The following EPC2 variants were observed in gnomAD, a reference collection of about 807,000 sequenced individuals.
EPC2 encodes the protein enhancer of polycomb 2.
Under a neutral mutation model 92.1 loss-of-function variants are expected in EPC2, and 14 were observed. The observed-to-expected ratio is 0.15, with a 90% CI of 0.10 to 0.24. The LOEUF (loss-of-function observed/expected upper bound fraction) is 0.24. EPC2 is among the 10% of genes least tolerant of loss of function. The pLI is 1.00. For missense variants in EPC2, 755 were observed against 971.5 expected, an observed-to-expected ratio of 0.78 and a Z score of 2.96; for synonymous variants, 340 against 334.7, an observed-to-expected ratio of 1.02 and a Z score of -0.17.
At chr2:148,669,148 G>A (rs1308929086) in intron 1 of EPC2, among the ~76,000 whole-genome samples, 1 of 152,094 alleles carries the variant, frequency 6.6e-6, no homozygotes, top group African/African-American at 2.4e-5. Flanking sequence ...TTCATCTCTT[G>A]TGGTGTTTCA....
intron 3 of EPC2, among the ~76,000 whole-genome samples, chr2:148,744,992 C>CCA (rs1277368913): frequency 1.9e-5 from 2 of 103,430 alleles, no homozygotes; most frequent in African/African-American, 6.1e-5. Context: ...TCAGTTTGCC[C>CCA]CCCCCCCCCG....
chr2:148,736,777 A>G (rs767839648), intron 2 of EPC2, among the ~76,000 whole-genome samples: 2 of 151,710 alleles, frequency 1.3e-5, no homozygotes, highest in Non-Finnish European at 2.9e-5. Context: ...AATAATACCA[A>G]CTCTTTCACC....
chr2:148,755,838 C>T (rs142763956), intron 4 of EPC2, among the ~76,000 whole-genome samples: 138 of 152,290 alleles, frequency 9.1e-4, no homozygotes, highest in African/African-American at 3.2e-3. Context: ...GCTGTCCTCC[C>T]GCCTTGGCCT....
chr2:148,742,912 C>A (rs553544428), intron 2 of EPC2, among the ~76,000 whole-genome samples: 1 of 152,018 alleles, frequency 6.6e-6, no homozygotes, highest in South Asian at 2.1e-4. Flanking sequence ...AGAAAATCAG[C>A]CTTTTATTTA....
At chr2:148,649,789 G>A (rs1055219582) in intron 1 of EPC2, among the ~76,000 whole-genome samples, 2 of 152,144 alleles carry the variant, frequency 1.3e-5, no homozygotes, top group African/African-American at 4.8e-5. Context: ...GTTATCTTCT[G>A]AACTGTGATT....
rs528250728 is a variant in EPC2, at chr2:148,648,619, A to G, written c.153+3449A>G. Among the ~76,000 whole-genome samples the G allele has an allele frequency of 3.3e-5, 5 of 152,300 alleles. No individual in the cohort carries two copies. The South Asian group carries it at 8.3e-4, about 25-fold the overall frequency. ...GTTGGCAAAATCTTTTGAAGCCTTC[A>G]TGGATGGCTTTTTCCCATTCCCCCT... On this transcript the variant is annotated intron_variant, in intron 1 of 13. Transcript: ENST00000258484.
intron 1 of EPC2, among the ~76,000 whole-genome samples, chr2:148,686,974 G>A (rs748161083): frequency 3.9e-5 from 6 of 152,144 alleles, no homozygotes; most frequent in Non-Finnish European, 7.3e-5. Flanking sequence ...GAAACCAGGC[G>A]TTGACGTTTC....
chr2:148,705,293 AT>A (rs1392791185), intron 2 of EPC2, among the ~76,000 whole-genome samples: 11 of 144,514 alleles, frequency 7.6e-5, no homozygotes, highest in East Asian at 2.6e-4. Flanking sequence ...CACAGTTATC[AT>A]TTTAAAAAAA....
At chr2:148,679,230 G>A (rs1398631260) in intron 1 of EPC2, among the ~76,000 whole-genome samples, 1 of 152,072 alleles carries the variant, frequency 6.6e-6, no homozygotes, top group African/African-American at 2.4e-5. Flanking sequence ...AGCATTACTA[G>A]GACAGGTTTT....
At chr2:148,669,368 C>T (rs754913562) in intron 1 of EPC2, among the ~76,000 whole-genome samples, 1 of 152,014 alleles carries the variant, frequency 6.6e-6, no homozygotes, top group Non-Finnish European at 1.5e-5. Context: ...GAGCTTTGTT[C>T]TGGGATGCGG....
intron 1 of EPC2, among the ~76,000 whole-genome samples, chr2:148,653,205 G>T (rs1427661139): frequency 1.3e-5 from 2 of 152,212 alleles, no homozygotes; most frequent in African/African-American, 4.8e-5. Flanking sequence ...TTGTAATACA[G>T]GCACTTAGCA....
At chr2:148,771,821 T>C (rs955977047) in intron 10 of EPC2, among the ~76,000 whole-genome samples, 4 of 151,430 alleles carry the variant, frequency 2.6e-5, no homozygotes, top group African/African-American at 9.7e-5. Context: ...TTTTTTTAGA[T>C]GGAGTCTCGC....
Position 148,644,984 on chromosome 2 carries a change from G to GCCGCCC in EPC2, c.-33_-28dup, listed in dbSNP as rs1683763552. The GCCGCCC allele has an allele frequency of 7.4e-7, 1 of 1,350,228 alleles. No individual in the cohort carries two copies. Among genetic ancestry groups the GCCGCCC allele is most frequent in the Non-Finnish European group, 9.8e-7 (1 of 1,019,360 alleles). 83.6% of individuals were successfully genotyped at this position (1,350,228 alleles called of 1,614,324 possible). A position where few individuals can be genotyped will look rare whatever the true frequency, so the allele number is the denominator to read the frequency against. The stretch of plus-strand genomic sequence containing the variant: ...CCCCCTCCCCGCCCGCCCCGCCGCC[G>GCCGCCC]CCGCCCGGGCTGTTCCTGTAAGGCG... On this transcript the variant is annotated 5_prime_UTR_variant, in exon 1 of 14. Transcript: ENST00000258484.
At chr2:148,647,961 G>T (rs905616259) in intron 1 of EPC2, among the ~76,000 whole-genome samples, 4 of 152,152 alleles carry the variant, frequency 2.6e-5, no homozygotes, top group Non-Finnish European at 5.9e-5. Flanking sequence ...AGCTCTTTTA[G>T]AAAGAATTAT....
chr2:148,731,278 T>C (rs771192211), intron 2 of EPC2, among the ~76,000 whole-genome samples: 1 of 152,230 alleles, frequency 6.6e-6, no homozygotes, highest in East Asian at 1.9e-4. Flanking sequence ...ATGACACTTT[T>C]GCAGAGTGCT....
In EPC2 at chr2:148,786,433, C is replaced by G. The variant is rs1683868302; in HGVS notation, c.*56C>G. The G allele has an allele frequency of 1.4e-6, 2 of 1,413,896 alleles. No homozygotes were observed. Among genetic ancestry groups the G allele is most frequent in the African/African-American group, 2.8e-5 (2 of 70,838 alleles). The allele number at this position is 1,413,896 out of a possible 1,614,324, so 87.6% of individuals were successfully genotyped here. On this transcript the variant is annotated 3_prime_UTR_variant, in exon 14 of 14. Transcript: ENST00000258484. ...TGGTGTGCAGTCATTCATATTCCAG[C>G]TGAATGCAAAAGGCAACACTCTGTG...
intron 8 of EPC2, among the ~76,000 whole-genome samples, chr2:148,770,305 G>A (rs115490974): frequency 0.018 from 2,735 of 152,226 alleles, 75 homozygotes; most frequent in African/African-American, 0.061. Flanking sequence ...CTCCTAAAGT[G>A]CTAGGATTAC....
chr2:148,664,614 A>G (rs1681023158), intron 1 of EPC2, among the ~76,000 whole-genome samples: 4 of 152,186 alleles, frequency 2.6e-5, no homozygotes, highest in Admixed American at 2.6e-4. Flanking sequence ...AGTCAAGATA[A>G]TCAACAGATC....
intron 2 of EPC2, among the ~76,000 whole-genome samples, chr2:148,695,186 T>G (rs1681721067): frequency 6.6e-6 from 1 of 152,258 alleles, no homozygotes; most frequent in African/African-American, 2.4e-5. Flanking sequence ...GAAAGTTTAC[T>G]TCCCCCATCT....
Sources: gnomAD v4.1 joint callset for allele counts (sites outside exome capture counted in the v4.1 genomes callset) on GRCh38, gnomAD v4.1.1 for gene constraint, MANE v1.5 for transcripts, NCBI Gene and HGNC (gene_info 2026-07-23, HGNC 2026-07-21) for gene names.